Variants in ACTR1A observed in about 807,000 individuals in gnomAD.
ACTR1A encodes actin related protein 1A, also known as alpha-centractin.
In ACTR1A, 10 loss-of-function variants were observed where a neutral mutation model predicts 50.7. The observed-to-expected ratio is 0.20, with a 90% CI of 0.12 to 0.33. The LOEUF (loss-of-function observed/expected upper bound fraction) is 0.33. Ranked by LOEUF, ACTR1A falls within the 10% of genes least tolerant of loss-of-function variation. ACTR1A has a pLI of 1.00. For synonymous variants in ACTR1A, 177 were observed against 184.2 expected (o/e 0.96, Z 0.32); for missense variants, 253 against 491.7 (o/e 0.51, Z 4.59).
At chr10:102,497,657 T>C (rs2062228801) in intron 1 of ACTR1A, among the ~76,000 whole-genome samples, 1 of 152,130 alleles carries the variant, frequency 6.6e-6, no homozygotes, top group Non-Finnish European at 1.5e-5. Flanking sequence ...GCACAATTTT[T>C]TTTTTTAAAG....
Position 102,479,504 on chromosome 10 carries a change from G to T in ACTR1A, c.*1359C>A. 3 of 740,936 alleles carry T rather than the reference G, an allele frequency of 4.0e-6. No homozygotes were observed. Among genetic ancestry groups the T allele is most frequent in the Non-Finnish European group, 3.9e-6 (2 of 512,684 alleles). 45.9% of individuals were successfully genotyped at this position (740,936 alleles called of 1,614,324 possible). On this transcript the variant is annotated 3_prime_UTR_variant, in exon 11 of 11. Transcript: ENST00000369905. This position sits in a 1 kb window ranked among gnomAD's most constrained non-coding sequence, Gnocchi z 4.0. Reference sequence around the variant, plus strand: ...CTTGGTGTCACAGGTGAGGGTGCCGGTGAAGACAGGCTGGCCCCAGCTTTG... The same window carrying T: ...CTTGGTGTCACAGGTGAGGGTGCCGTTGAAGACAGGCTGGCCCCAGCTTTG...
At chr10:102,484,059 C>A (rs991041220) in intron 6 of ACTR1A, 101 bp downstream of exon 6, 3 of 1,146,806 alleles carry the variant, frequency 2.6e-6, no homozygotes, top group Admixed American at 3.8e-5. Flanking sequence ...CAGGGACCCC[C>A]AGGCAGGTGC....
chr10:102,495,149 G>A (rs1045879056), intron 1 of ACTR1A, among the ~76,000 whole-genome samples: 1 of 151,452 alleles, frequency 6.6e-6, no homozygotes, highest in Non-Finnish European at 1.5e-5. Context: ...TGGTGGTGCG[G>A]GTCCATAGTC....
intron 2 of ACTR1A, among the ~76,000 whole-genome samples, chr10:102,490,320 C>T (rs1370218679): frequency 6.6e-6 from 1 of 151,438 alleles, no homozygotes; most frequent in African/African-American, 2.4e-5. Context: ...AAGGAGGGCT[C>T]CACCAAGAGG....
In ACTR1A at chr10:102,502,648, G is replaced by A; in HGVS notation, c.-1C>T. 1 of 1,614,218 alleles carries A rather than the reference G, an allele frequency of 6.2e-7. No individual in the cohort carries two copies. Among genetic ancestry groups the A allele is most frequent in the Non-Finnish European group, 8.5e-7 (1 of 1,180,020 alleles). On this transcript the variant is annotated 5_prime_UTR_variant, in exon 1 of 11. Transcript: ENST00000369905. ...TGGCGATCACATCGTAGGACTCCAT[G>A]GCAGAGGAATCTCTCCTTCTGGGGA...
chr10:102,498,664 A>C (rs2062233639), intron 1 of ACTR1A, among the ~76,000 whole-genome samples: 1 of 151,366 alleles, frequency 6.6e-6, no homozygotes, highest in Non-Finnish European at 1.5e-5. Context: ...GTAGAGATGA[A>C]GTCTCACTAT....
chr10:102,491,990 C>A lies in ACTR1A; in HGVS notation c.49-1377G>T, dbSNP rs1335305689. Among the ~76,000 whole-genome samples the A allele has an allele frequency of 1.2e-4, 17 of 144,086 alleles. No homozygotes were observed. The Admixed American group carries it at 1.2e-3, about 10-fold the overall frequency. 94.5% of individuals were successfully genotyped at this position (144,086 alleles called of 152,430 possible). A position where few individuals can be genotyped will look rare whatever the true frequency, so the allele number is the denominator to read the frequency against. On this transcript the variant is annotated intron_variant, in intron 1 of 10. Transcript: ENST00000369905. Reference sequence around the variant, plus strand: ...TTCACCGTGTTAGCCAGGATGATCTCGATCTCCTGACCTCGTGATCCGCCC... The same window carrying A: ...TTCACCGTGTTAGCCAGGATGATCTAGATCTCCTGACCTCGTGATCCGCCC...
In ACTR1A at chr10:102,485,750, G is replaced by T; in HGVS notation, c.316-17C>A. ...CACAGGATGCTGGTGAAAGGAGCCC[G>T]GGAGACAATGAGGCCAAGGCCAGAT... On this transcript the variant is annotated splice_polypyrimidine_tract_variant and intron_variant, in intron 4 of 10. Coordinates refer to ENST00000369905, the MANE Select transcript of ACTR1A (RefSeq NM_005736.4). The T allele has an allele frequency of 6.2e-7, 1 of 1,613,430 alleles. No individual in the cohort carries two copies. Among genetic ancestry groups the T allele is most frequent in the South Asian group, 1.1e-5 (1 of 91,062 alleles).
chr10:102,479,317 G>C lies in ACTR1A; in HGVS notation c.*1546C>G. On this transcript the variant is annotated 3_prime_UTR_variant, in exon 11 of 11. Coordinates refer to ENST00000369905, the MANE Select transcript of ACTR1A (RefSeq NM_005736.4). The surrounding 1 kb of genome is among the most constrained non-coding windows in gnomAD (Gnocchi z 4.0). The stretch of plus-strand genomic sequence containing the variant: ...GCGAGGCTGTGCGAGGGACAGGCTT[G>C]GGCTAAGAGAAGGGAGGTGAGTTGG... 7.4e-6 allele frequency: 3 copies of C among 406,908 alleles called. No homozygotes were observed. Among genetic ancestry groups the C allele is most frequent in the South Asian group, 5.9e-5 (3 of 51,098 alleles). 25.2% of individuals were successfully genotyped at this position (406,908 alleles called of 1,614,324 possible).
At chr10:102,499,510 C>A (rs774044014) in intron 1 of ACTR1A, among the ~76,000 whole-genome samples, 1 of 152,090 alleles carries the variant, frequency 6.6e-6, no homozygotes, top group Non-Finnish European at 1.5e-5. Context: ...ACTAAAAATG[C>A]ATCACTGCTG....
At chr10:102,500,764 C>T (rs1404584000) in intron 1 of ACTR1A, among the ~76,000 whole-genome samples, 2 of 150,850 alleles carry the variant, frequency 1.3e-5, no homozygotes, top group Non-Finnish European at 3.0e-5. Flanking sequence ...TCCCTCCACC[C>T]CCCCACACCA....
At position 102,482,260 on chromosome 10, in the gene ACTR1A, G is replaced by C; in HGVS notation, c.751-85C>G. 7.5e-7 allele frequency: 1 copy of C among 1,329,136 alleles called. No homozygotes were observed. Among genetic ancestry groups the C allele is most frequent in the Admixed American group, 1.8e-5 (1 of 54,952 alleles). 82.3% of individuals were successfully genotyped at this position (1,329,136 alleles called of 1,614,324 possible). On this transcript the variant is annotated intron_variant, in intron 7 of 10. Transcript: ENST00000369905. This position sits in a 1 kb window ranked among gnomAD's most constrained non-coding sequence, Gnocchi z 5.6. Reference sequence around the variant, plus strand: ...GGGAATGGAAGACGCCCCTCTGCACGTCACTTAGTAACTGGGTGGCTATGA... The same window carrying C: ...GGGAATGGAAGACGCCCCTCTGCACCTCACTTAGTAACTGGGTGGCTATGA...
chr10:102,480,751 A>G lies in ACTR1A; in HGVS notation c.*112T>C, dbSNP rs1589958226. 3 of 893,992 alleles carry G rather than the reference A, an allele frequency of 3.4e-6. No individual in the cohort carries two copies. The East Asian group carries it at 7.2e-5, about 22-fold the overall frequency. 55.4% of individuals were successfully genotyped at this position (893,992 alleles called of 1,614,324 possible). A position where few individuals can be genotyped will look rare whatever the true frequency, so the allele number is the denominator to read the frequency against. ...GGCACTCGCATGTGCACACACACTCATATCCACACACGCACTCACACACAG... is the reference window on the plus strand; with the variant it reads ...GGCACTCGCATGTGCACACACACTCGTATCCACACACGCACTCACACACAG... On this transcript the variant is annotated 3_prime_UTR_variant, in exon 11 of 11. Transcript: ENST00000369905.
chr10:102,485,760 G>A, intron 4 of ACTR1A, 27 bp from the exon 5 acceptor site: 3 of 1,612,736 alleles, frequency 1.9e-6, no homozygotes, highest in Non-Finnish European at 2.5e-6. Context: ...GGGAGACAAT[G>A]AGGCCAAGGC....
Position 102,483,008 on chromosome 10 carries a change from T to C in ACTR1A, c.750+3A>G, listed in dbSNP as rs1230633294. ...GACCGAAGAAAGAAGGCAGGCCACC[T>C]ACCTCAATGGTGCTGCCATCAGGCA... On this transcript the variant is annotated splice_donor_region_variant and intron_variant, in intron 7 of 10. Transcript: ENST00000369905. 1 of 1,613,016 alleles carries C rather than the reference T, an allele frequency of 6.2e-7. No homozygotes were observed. Among genetic ancestry groups the C allele is most frequent in the Admixed American group, 1.7e-5 (1 of 60,022 alleles).
chr10:102,481,217 C>T (rs2296578), intron 9 of ACTR1A, 45 bp from the exon 10 acceptor site: 5 of 1,535,220 alleles, frequency 3.3e-6, no homozygotes, highest in Admixed American at 4.1e-5. Context: ...CCAGCCCTCC[C>T]GCTCCCTTTC....
In ACTR1A at chr10:102,499,538, T is replaced by C. The variant is rs535993777; in HGVS notation, c.48+3062A>G. On this transcript the variant is annotated intron_variant, in intron 1 of 10. Coordinates refer to ENST00000369905, the MANE Select transcript of ACTR1A (RefSeq NM_005736.4). ...CACTGCTGTAATGCATTTCGAAACA[T>C]ACTACCAGGAAAGAGAAAGAAAAAA... 3.9e-5 allele frequency among the ~76,000 whole-genome samples: 6 copies of C among 152,122 alleles called. No individual in the cohort carries two copies. In the South Asian group the frequency reaches 8.3e-4, roughly 21 times the overall value.
Position 102,482,738 on chromosome 10 carries a change from G to C in ACTR1A, c.750+273C>G, listed in dbSNP as rs1037274050. On this transcript the variant is annotated intron_variant, in intron 7 of 10. Coordinates refer to ENST00000369905, the MANE Select transcript of ACTR1A (RefSeq NM_005736.4). The surrounding 1 kb of genome is among the most constrained non-coding windows in gnomAD (Gnocchi z 5.6). ...CACATTGGAAGAAGAATTGTCTTGG[G>C]CCACACATAATATACACTAACACTA... 3 of 436,860 alleles carry C rather than the reference G, an allele frequency of 6.9e-6. No individual in the cohort carries two copies. The highest frequency in any genetic ancestry group is 6.0e-5 in the African/African-American group (3 of 50,256). 27.1% of individuals were successfully genotyped at this position (436,860 alleles called of 1,614,324 possible).
rs73336635 is a variant in ACTR1A at position 102,489,317 on chromosome 10, C to T, written c.114-179G>A. ...TATTTTCCACAATTTCTAAAATGAACATGTATTATTTATATATTATTTCAT... is the reference window on the plus strand; with the variant it reads ...TATTTTCCACAATTTCTAAAATGAATATGTATTATTTATATATTATTTCAT... On this transcript the variant is annotated intron_variant, in intron 2 of 10. Transcript: ENST00000369905. Among the ~76,000 whole-genome samples, 1,391 of 151,950 alleles carry T rather than the reference C, an allele frequency of 9.2e-3. 25 individuals are homozygous for T. Among genetic ancestry groups the T allele is most frequent in the African/African-American group, 0.031 (1,271 of 41,510 alleles).
Sources: gnomAD v4.1 joint callset for allele counts (sites outside exome capture counted in the v4.1 genomes callset) on GRCh38, gnomAD v4.1.1 for gene constraint, Gnocchi (gnomAD v3.1) non-coding constraint, MANE v1.5 for transcripts, NCBI Gene and HGNC (gene_info 2026-07-23, HGNC 2026-07-21) for gene names.